Variants in PTPRD observed in about 807,000 individuals in gnomAD.
PTPRD encodes the protein receptor-type tyrosine-protein phosphatase delta.
In PTPRD, 34 loss-of-function variants were observed where a neutral mutation model predicts 214.5. The ratio of observed to expected loss-of-function variants is 0.16; its 90% CI spans 0.12 to 0.21. The LOEUF (loss-of-function observed/expected upper bound fraction) is 0.21, where lower values mean the gene tolerates loss of function less well. Among genes scored for constraint, PTPRD ranks in the 10% least tolerant of loss-of-function variants. PTPRD has a pLI of 1.00. For missense variants in PTPRD, 2,545 were observed against 2,398.7 expected (o/e 1.06, Z -1.27); for synonymous variants, 1,128 against 845.7 (o/e 1.33, Z -5.79).
At chr9:8,757,655 C>CAT (rs987282214) in intron 11 of PTPRD, among the ~76,000 whole-genome samples, 23 of 138,200 alleles carry the variant, frequency 1.7e-4, no homozygotes, top group Non-Finnish European at 2.7e-4. Flanking sequence ...TACATATATA[C>CAT]ATATATATAT....
rs150387510 is a variant in PTPRD, at chr9:9,135,998, T to C, written c.-143+47306A>G. Among the ~76,000 whole-genome samples, 1,162 of 152,282 alleles carry C rather than the reference T, an allele frequency of 7.6e-3. 9 individuals carry two copies. Among genetic ancestry groups the C allele is most frequent in the African/African-American group, 0.026 (1,063 of 41,578 alleles). On this transcript the variant is annotated intron_variant, in intron 10 of 45. Coordinates refer to ENST00000381196, the MANE Select transcript of PTPRD (RefSeq NM_002839.4). Reference sequence around the variant, plus strand: ...ATCTTATAAATTATATACATGCACATGTGTTCATGCACATACACACATGCA... The same window carrying C: ...ATCTTATAAATTATATACATGCACACGTGTTCATGCACATACACACATGCA...
intron 10 of PTPRD, among the ~76,000 whole-genome samples, chr9:9,056,251 A>C (rs536936181): frequency 7.2e-5 from 11 of 152,192 alleles, no homozygotes; most frequent in Non-Finnish European, 1.5e-4. Context: ...AAAGATGAAC[A>C]TCTATTAATA....
chr9:9,794,887 A>G (rs1420893023), intron 5 of PTPRD, among the ~76,000 whole-genome samples: 4 of 152,230 alleles, frequency 2.6e-5, no homozygotes, highest in Non-Finnish European at 4.4e-5. Context: ...ATTGAAGGGA[A>G]GAGAACCTAA....
intron 9 of PTPRD, among the ~76,000 whole-genome samples, chr9:9,308,004 A>T (rs1957677056): frequency 1.3e-5 from 2 of 152,154 alleles, no homozygotes; most frequent in South Asian, 4.1e-4. Context: ...AATGTCATCT[A>T]ACTGGGTTTA....
intron 2 of PTPRD, among the ~76,000 whole-genome samples, chr9:10,513,591 T>C (rs950242993): frequency 6.6e-6 from 1 of 152,122 alleles, no homozygotes; most frequent in Non-Finnish European, 1.5e-5. Flanking sequence ...CATGGTAAGA[T>C]TGTAATTTTC....
chr9:8,606,552 A>G (rs1475674576), intron 14 of PTPRD, among the ~76,000 whole-genome samples: 1 of 152,162 alleles, frequency 6.6e-6, no homozygotes, highest in Non-Finnish European at 1.5e-5. Context: ...TAAATAAGTA[A>G]CTGTTGAAGG....
intron 7 of PTPRD, among the ~76,000 whole-genome samples, chr9:9,608,966 C>A (rs145077573): frequency 4.6e-5 from 7 of 152,080 alleles, no homozygotes; most frequent in Non-Finnish European, 1.0e-4. Context: ...TTTATTTTTC[C>A]TGTCTACTTG....
At position 8,960,238 on chromosome 9, in the gene PTPRD, T is replaced by G. The variant is rs186777730; in HGVS notation, c.-104+58459A>C. Among the ~76,000 whole-genome samples the G allele has an allele frequency of 4.0e-3, 602 of 152,214 alleles. 1 individual carries two copies. Among genetic ancestry groups the G allele is most frequent in the African/African-American group, 0.014 (580 of 41,558 alleles). On this transcript the variant is annotated intron_variant, in intron 11 of 45. Transcript: ENST00000381196. The stretch of plus-strand genomic sequence containing the variant: ...AGATAAGGTAGTACTTATTGAATAC[T>G]ATGTGTGGAACAAGGCAAACACTGA...
At chr9:9,889,017 C>T (rs1234503445) in intron 5 of PTPRD, among the ~76,000 whole-genome samples, 1 of 151,986 alleles carries the variant, frequency 6.6e-6, no homozygotes, top group Non-Finnish European at 1.5e-5. Flanking sequence ...AAGCTAGGTA[C>T]AGAAAGACAA....
intron 39 of PTPRD, among the ~76,000 whole-genome samples, chr9:8,349,813 A>T (rs2074929533): frequency 6.6e-6 from 1 of 152,212 alleles, no homozygotes; most frequent in African/African-American, 2.4e-5. Context: ...TGTTATCCCT[A>T]AAGTAAAATC....
intron 4 of PTPRD, among the ~76,000 whole-genome samples, chr9:9,940,813 T>TTTCAA (rs2091249187): frequency 6.6e-6 from 1 of 152,322 alleles, no homozygotes; most frequent in African/African-American, 2.4e-5. Context: ...TCTTCCTACA[T>TTTCAA]TTCAACCCTG....
intron 9 of PTPRD, among the ~76,000 whole-genome samples, chr9:9,325,713 G>C (rs559508947): frequency 1.3e-5 from 2 of 152,258 alleles, no homozygotes; most frequent in African/African-American, 2.4e-5. Flanking sequence ...GCCCTGGCCA[G>C]AACTTCCAAC....
intron 14 of PTPRD, among the ~76,000 whole-genome samples, chr9:8,574,846 T>C (rs1009555106): frequency 6.6e-6 from 1 of 152,010 alleles, no homozygotes; most frequent in Non-Finnish European, 1.5e-5. Context: ...TGAAGTGATA[T>C]GCTGAGATTC....
rs563160017 is a variant in PTPRD, at chr9:8,552,081, G to C, written c.353-23302C>G. On this transcript the variant is annotated intron_variant, in intron 14 of 45. Coordinates refer to ENST00000381196, the MANE Select transcript of PTPRD (RefSeq NM_002839.4). ...AGGAAGCTATCAATGACCTGGACCAGAGGCCTGTGACCATCACCTTGCTTT... is the reference window on the plus strand; with the variant it reads ...AGGAAGCTATCAATGACCTGGACCACAGGCCTGTGACCATCACCTTGCTTT... Among the ~76,000 whole-genome samples, 13 of 152,244 alleles carry C rather than the reference G, an allele frequency of 8.5e-5. No individual in the cohort carries two copies. In the East Asian group the frequency reaches 2.5e-3, roughly 29 times the overall value.
chr9:8,784,101 C>G (rs2095845918), intron 11 of PTPRD, among the ~76,000 whole-genome samples: 1 of 152,186 alleles, frequency 6.6e-6, no homozygotes, highest in Admixed American at 6.5e-5. Flanking sequence ...AGTTTAACTC[C>G]TCTCACATTA....
intron 11 of PTPRD, among the ~76,000 whole-genome samples, chr9:8,828,163 T>A (rs191577934): frequency 6.6e-6 from 1 of 152,202 alleles, no homozygotes; most frequent in Admixed American, 6.5e-5. Context: ...TGTCTTCCAA[T>A]GGCTAATTTG....
chr9:9,314,402 G>C (rs1434873065), intron 9 of PTPRD, among the ~76,000 whole-genome samples: 2 of 152,054 alleles, frequency 1.3e-5, no homozygotes, highest in African/African-American at 2.4e-5. Flanking sequence ...CAAACACATG[G>C]GTGGAATTTA....
At chr9:9,808,126 C>A in intron 5 of PTPRD, among the ~76,000 whole-genome samples, 1 of 152,078 alleles carries the variant, frequency 6.6e-6, no homozygotes, top group East Asian at 1.9e-4. Flanking sequence ...TAATCAGGTT[C>A]TCTAATCCTT....
At chr9:8,588,209 G>T (rs1262928435) in intron 14 of PTPRD, among the ~76,000 whole-genome samples, 1 of 152,194 alleles carries the variant, frequency 6.6e-6, no homozygotes, top group Non-Finnish European at 1.5e-5. Flanking sequence ...GAGGGTTCTT[G>T]TTACAGAAGA....
Sources: allele counts gnomAD v4.1 joint callset (sites outside exome capture counted in the v4.1 genomes callset), GRCh38; gene constraint gnomAD v4.1.1; transcripts MANE v1.5; gene names NCBI Gene and HGNC (gene_info 2026-07-23, HGNC 2026-07-21).